Variants in ALG9 observed in about 807,000 individuals in gnomAD.
ALG9 encodes ALG9 alpha-1,2-mannosyltransferase.
ALG9 carries 55 observed loss-of-function variants against 81.8 expected under a neutral mutation model. The ratio of observed to expected loss-of-function variants is 0.67; its 90% CI spans 0.54 to 0.84. ALG9 has a LOEUF of 0.84. ALG9 is among the 40% of genes least tolerant of loss of function. ALG9 has a pLI of 0.00. For missense variants in ALG9, 629 were observed against 745.0 expected (o/e 0.84, Z 1.81); for synonymous variants, 278 against 274.3 (o/e 1.01, Z -0.13).
At chr11:111,864,302 C>A in intron 4 of ALG9, 1 of 1,076,652 alleles carries the variant, frequency 9.3e-7, no homozygotes, top group Non-Finnish European at 1.4e-6. Context: ...GGTTCAACAG[C>A]CCCGGCTGGA....
intron 9 of ALG9, among the ~76,000 whole-genome samples, chr11:111,844,222 T>C (rs1299841557): frequency 6.6e-6 from 1 of 152,086 alleles, no homozygotes; most frequent in Non-Finnish European, 1.5e-5. Context: ...CCAGGCTGGT[T>C]TTAATTCCTG....
intron 14 of ALG9, chr11:111,805,215 G>A (rs1218603764): frequency 2.2e-6 from 1 of 455,820 alleles, no homozygotes; most frequent in African/African-American, 2.0e-5. Flanking sequence ...TCTTCTTGCA[G>A]CCATGTGAGG....
At chr11:111,832,498 G>A (rs539675237) in intron 13 of ALG9, among the ~76,000 whole-genome samples, 96 of 151,940 alleles carry the variant, frequency 6.3e-4, no homozygotes, top group African/African-American at 2.0e-3. Context: ...CAAACTCCTA[G>A]CCTCAAGCTA....
intron 13 of ALG9, among the ~76,000 whole-genome samples, chr11:111,816,190 C>T (rs559804201): frequency 5.3e-5 from 8 of 152,330 alleles, no homozygotes; most frequent in African/African-American, 1.9e-4. Context: ...TTTGTCCTGA[C>T]AGGCAATAAA....
chr11:111,844,332 C>T (rs1365909801), intron 9 of ALG9, among the ~76,000 whole-genome samples: 1 of 152,150 alleles, frequency 6.6e-6, no homozygotes, highest in Non-Finnish European at 1.5e-5. Flanking sequence ...AATATTTTTA[C>T]TTCCCTGGGT....
At chr11:111,859,083 A>G (rs1555145713) in intron 5 of ALG9, among the ~76,000 whole-genome samples, 1 of 152,130 alleles carries the variant, frequency 6.6e-6, no homozygotes, top group African/African-American at 2.4e-5. Flanking sequence ...ATGCATGCCT[A>G]TAGTCCTAGC....
intron 6 of ALG9, 73 bp from the exon 7 acceptor site, chr11:111,853,809 A>C: frequency 2.4e-5 from 31 of 1,294,778 alleles, no homozygotes; most frequent in Non-Finnish European, 3.1e-5. Flanking sequence ...CACATACCTC[A>C]TGCTGAACTG....
At chr11:111,800,887 A>C (rs1196191709) in intron 14 of ALG9, among the ~76,000 whole-genome samples, 1 of 152,240 alleles carries the variant, frequency 6.6e-6, no homozygotes, top group Non-Finnish European at 1.5e-5. Flanking sequence ...AAGAAAGAAC[A>C]AATGATCTGA....
At chr11:111,805,220 G>A (rs1949737187) in intron 14 of ALG9, 2 of 456,120 alleles carry the variant, frequency 4.4e-6, no homozygotes, top group Admixed American at 2.3e-5. Context: ...TTGCAGCCAT[G>A]TGAGGATACA....
intron 13 of ALG9, 81 bp downstream of exon 13, chr11:111,836,084 T>A: frequency 1.3e-6 from 2 of 1,589,936 alleles, no homozygotes; most frequent in South Asian, 2.2e-5. Flanking sequence ...TCTCATTTTA[T>A]CAATGCTCTA....
chr11:111,830,365 T>C (rs1000024562), intron 13 of ALG9, among the ~76,000 whole-genome samples: 1 of 152,256 alleles, frequency 6.6e-6, no homozygotes, highest in African/African-American at 2.4e-5. Context: ...GTCTCTCATA[T>C]AGCCTTGCTA....
chr11:111,834,656 C>G (rs1311739276), intron 13 of ALG9, among the ~76,000 whole-genome samples: 2 of 152,108 alleles, frequency 1.3e-5, no homozygotes, highest in East Asian at 3.8e-4. Flanking sequence ...CTTTTTTTTA[C>G]TACTCCATTT....
intron 13 of ALG9, among the ~76,000 whole-genome samples, chr11:111,811,917 C>T (rs944292068): frequency 9.9e-5 from 15 of 151,956 alleles, no homozygotes; most frequent in Admixed American, 6.6e-4. Flanking sequence ...AACTTGGATA[C>T]TGGTGAGAGT....
chr11:111,770,729 G>A, the ALG9 span, among the ~76,000 whole-genome samples: 2 of 152,062 alleles, frequency 1.3e-5, no homozygotes, highest in Admixed American at 6.5e-5. Context: ...AAAAAGGATT[G>A]TCCCTCTTTT....
the ALG9 span, among the ~76,000 whole-genome samples, chr11:111,776,877 G>C: frequency 2.0e-5 from 3 of 152,184 alleles, no homozygotes; most frequent in Non-Finnish European, 4.4e-5. Context: ...GGGGAGTAAA[G>C]GTATTCTAAG....
At chr11:111,815,596 T>C (rs1172552218) in intron 13 of ALG9, among the ~76,000 whole-genome samples, 2 of 152,150 alleles carry the variant, frequency 1.3e-5, no homozygotes, top group African/African-American at 4.8e-5. Flanking sequence ...CAAGAACAAC[T>C]AAGGTTATTA....
At chr11:111,794,134 G>A (rs146570045) in intron 14 of ALG9, among the ~76,000 whole-genome samples, 21 of 152,376 alleles carry the variant, frequency 1.4e-4, no homozygotes, top group African/African-American at 4.8e-4. Flanking sequence ...TATCAGGGCT[G>A]AGGAGCATTC....
In ALG9 at chr11:111,843,964, C is replaced by T. The variant is rs142744390; in HGVS notation, c.1018+637G>A. Among the ~76,000 whole-genome samples the T allele has an allele frequency of 5.7e-3, 871 of 152,304 alleles. 7 individuals are homozygous for T. Among genetic ancestry groups the T allele is most frequent in the African/African-American group, 0.02 (836 of 41,572 alleles). The stretch of plus-strand genomic sequence containing the variant: ...TTAAGCAACCTATCAGGTTAATATA[C>T]ACTTCTTTAAAAGATAGAAAACTCA... On this transcript the variant is annotated intron_variant, in intron 9 of 14. Transcript: ENST00000616540.
At chr11:111,827,559 T>G (rs879949861) in intron 13 of ALG9, among the ~76,000 whole-genome samples, 1 of 151,976 alleles carries the variant, frequency 6.6e-6, no homozygotes, top group Admixed American at 6.6e-5. Context: ...AAGAAACACT[T>G]AACAGTGATT....
Sources: gnomAD v4.1 joint callset for allele counts (sites outside exome capture counted in the v4.1 genomes callset) on GRCh38, gnomAD v4.1.1 for gene constraint, MANE v1.5 for transcripts, NCBI Gene and HGNC (gene_info 2026-07-23, HGNC 2026-07-21) for gene names.